Variants in CAMTA1 observed in about 807,000 individuals in gnomAD.
The protein encoded by CAMTA1 is calmodulin-binding transcription activator 1.
Under a neutral mutation model 170.9 loss-of-function variants are expected in CAMTA1, and 27 were observed. The observed-to-expected ratio is 0.16, with a 90% CI of 0.12 to 0.22. The LOEUF is 0.22. Among genes scored for constraint, CAMTA1 ranks in the 10% least tolerant of loss-of-function variants. The pLI is 1.00. For synonymous variants in CAMTA1, 833 were observed against 891.5 expected, an observed-to-expected ratio of 0.93 and a Z score of 1.17; for missense variants, 1,619 against 2,217.2, an observed-to-expected ratio of 0.73 and a Z score of 5.42.
At chr1:7,704,343 C>T (rs2149540297) in intron 11 of CAMTA1, among the ~76,000 whole-genome samples, 1 of 145,828 alleles carries the variant, frequency 6.9e-6, no homozygotes, top group Non-Finnish European at 1.5e-5. Flanking sequence ...GCCCGGGCAG[C>T]GGGCGCAGCC....
rs528251482 is a variant in CAMTA1 at position 7,680,212 on chromosome 1, G to T, written c.2914+2479G>T. ...CGGGCCAATGCTGCAGTGGCCGGGC[G>T]GTGGTGAGCCTTCCGTTCCCCGCCT... is the stretch of plus-strand genomic sequence containing the variant. On this transcript the variant is annotated intron_variant, in intron 11 of 22. Transcript: ENST00000303635. This position sits in a 1 kb window ranked among gnomAD's most constrained non-coding sequence, Gnocchi z 4.4. 1 of 278,016 alleles carries T rather than the reference G, an allele frequency of 3.6e-6. No homozygotes were observed. Among genetic ancestry groups the T allele is most frequent in the African/African-American group, 2.3e-5 (1 of 44,000 alleles). 17.2% of individuals were successfully genotyped at this position (278,016 alleles called of 1,614,324 possible).
rs1411088335 is a variant in CAMTA1 at position 7,482,258 on chromosome 1, TG to T, written c.510+14359del. Reference sequence around the variant, plus strand: ...GATCTGTTTTGTTCACTGCTACATTTGGAGTGCCTGGAGCCATGCCTAGCAC... The same window carrying T: ...GATCTGTTTTGTTCACTGCTACATTTGAGTGCCTGGAGCCATGCCTAGCAC... On this transcript the variant is annotated intron_variant, in intron 6 of 22. Coordinates refer to ENST00000303635, the MANE Select transcript of CAMTA1 (RefSeq NM_015215.4). This position sits in a 1 kb window ranked among gnomAD's most constrained non-coding sequence, Gnocchi z 4.2. Among the ~76,000 whole-genome samples, 1 of 152,198 alleles carries T rather than the reference TG, an allele frequency of 6.6e-6. No homozygotes were observed. The highest frequency in any genetic ancestry group is 2.4e-5 in the African/African-American group (1 of 41,448).
In CAMTA1 at chr1:7,570,384, G is replaced by A. The variant is rs1201078471; in HGVS notation, c.511-70016G>A. ...GGCCGGAGAACTTATTGCTTAAGCT[G>A]GAAGGGTGGAGGGAGGAAGCACGGG... On this transcript the variant is annotated intron_variant, in intron 6 of 22. Coordinates refer to ENST00000303635, the MANE Select transcript of CAMTA1 (RefSeq NM_015215.4). This position sits in a 1 kb window ranked among gnomAD's most constrained non-coding sequence, Gnocchi z 4.3. 6.6e-6 allele frequency among the ~76,000 whole-genome samples: 1 copy of A among 152,230 alleles called. No homozygotes were observed. The highest frequency in any genetic ancestry group is 2.4e-5 in the African/African-American group (1 of 41,468).
At chr1:6,980,949 T>C (rs961249515) in intron 3 of CAMTA1, among the ~76,000 whole-genome samples, 3 of 152,144 alleles carry the variant, frequency 2.0e-5, no homozygotes, top group Non-Finnish European at 2.9e-5. Context: ...CTTCCTTTGC[T>C]GTCACTGGGT....
intron 5 of CAMTA1, among the ~76,000 whole-genome samples, chr1:7,346,715 C>T (rs1314609373): frequency 6.6e-6 from 1 of 152,186 alleles, no homozygotes; most frequent in Non-Finnish European, 1.5e-5. Flanking sequence ...CTCCATGGGG[C>T]CTGGCAGGAG....
chr1:7,540,933 G>T (rs2094603108), intron 6 of CAMTA1, among the ~76,000 whole-genome samples: 1 of 152,222 alleles, frequency 6.6e-6, no homozygotes, highest in Non-Finnish European at 1.5e-5. Context: ...AGAGGTCATT[G>T]GTCTTTAGCT....
intron 5 of CAMTA1, among the ~76,000 whole-genome samples, chr1:7,384,701 A>C (rs897112467): frequency 6.6e-6 from 1 of 152,212 alleles, no homozygotes; most frequent in Admixed American, 6.5e-5. Context: ...GCTAAATCAC[A>C]GACCATAAAA....
chr1:7,018,498 A>G (rs928057310), intron 3 of CAMTA1, among the ~76,000 whole-genome samples: 2 of 152,120 alleles, frequency 1.3e-5, no homozygotes, highest in African/African-American at 4.8e-5. Flanking sequence ...CCCCATATGG[A>G]GAACTCTATG....
chr1:7,315,335 G>A (rs12402763), intron 5 of CAMTA1, among the ~76,000 whole-genome samples: 24,121 of 152,216 alleles, frequency 0.16, 2,517 homozygotes, highest in Non-Finnish European at 0.21. Context: ...TTGTCGGGGA[G>A]GCAGAACTTC....
chr1:7,499,196 T>G (rs2149775282), intron 6 of CAMTA1, among the ~76,000 whole-genome samples: 6 of 111,318 alleles, frequency 5.4e-5, no homozygotes, highest in African/African-American at 1.1e-4. Flanking sequence ...GCAGAGAGGA[T>G]GGTGTGATCC....
intron 3 of CAMTA1, among the ~76,000 whole-genome samples, chr1:6,895,155 C>T (rs964429269): frequency 8.5e-5 from 13 of 152,080 alleles, no homozygotes; most frequent in Admixed American, 3.9e-4. Context: ...GTTCTCTGTC[C>T]GCTGTTAAAA....
intron 3 of CAMTA1, among the ~76,000 whole-genome samples, chr1:7,047,831 A>G (rs1192393390): frequency 1.3e-5 from 2 of 151,534 alleles, no homozygotes; most frequent in Admixed American, 6.6e-5. Flanking sequence ...AGCAGGGGAT[A>G]TGCCTGGATG....
In CAMTA1 at chr1:7,224,262, A is replaced by G. The variant is rs576631608; in HGVS notation, c.303-25229A>G. On this transcript the variant is annotated intron_variant, in intron 4 of 22. Coordinates refer to ENST00000303635, the MANE Select transcript of CAMTA1 (RefSeq NM_015215.4). The surrounding 1 kb of genome is among the most constrained non-coding windows in gnomAD (Gnocchi z 5.2). ...AGGCTGCAGGCTTAGCTGGAAACAT[A>G]ATCGCTGCTCAAGGTCAGGCTGTGC... 5.5e-4 allele frequency among the ~76,000 whole-genome samples: 83 copies of G among 152,284 alleles called. No homozygotes were observed. The highest frequency in any genetic ancestry group is 2.3e-3 in the South Asian group (11 of 4,828).
intron 3 of CAMTA1, among the ~76,000 whole-genome samples, chr1:6,900,940 A>T (rs1425649744): frequency 6.6e-6 from 1 of 152,238 alleles, no homozygotes; most frequent in Non-Finnish European, 1.5e-5. Context: ...ATCTAGAAAG[A>T]CCAAAGCAGC....
At chr1:7,668,451 G>T (rs77248698) in intron 9 of CAMTA1, among the ~76,000 whole-genome samples, 3,146 of 144,134 alleles carry the variant, frequency 0.022, 44 homozygotes, top group Non-Finnish European at 0.031. Flanking sequence ...CACCCCAGAG[G>T]CGTCCCCCTA....
intron 5 of CAMTA1, among the ~76,000 whole-genome samples, chr1:7,345,967 A>G (rs1334379134): frequency 2.6e-5 from 4 of 152,234 alleles, no homozygotes; most frequent in African/African-American, 9.6e-5. Context: ...AACCCTCTGT[A>G]GGAGCCTTTC....
intron 6 of CAMTA1, among the ~76,000 whole-genome samples, chr1:7,483,120 A>T (rs963916069): frequency 7.9e-5 from 12 of 152,152 alleles, no homozygotes; most frequent in African/African-American, 2.9e-4. Context: ...GTCAAGGGGG[A>T]ATCCTTCAGC....
chr1:7,498,613 G>A (rs1338095392), intron 6 of CAMTA1, among the ~76,000 whole-genome samples: 1 of 151,992 alleles, frequency 6.6e-6, no homozygotes, highest in Non-Finnish European at 1.5e-5. Context: ...GTGAACATCT[G>A]TGTGCAGTGT....
chr1:7,270,291 A>ATATATATATT (rs1336977888), intron 5 of CAMTA1, among the ~76,000 whole-genome samples: 1 of 110,570 alleles, frequency 9.0e-6, no homozygotes, highest in African/African-American at 3.4e-5. Context: ...ATATATATAT[A>ATATATATATT]TTTTTTTTTT....
Sources: allele counts gnomAD v4.1 joint callset (sites outside exome capture counted in the v4.1 genomes callset), GRCh38; gene constraint gnomAD v4.1.1; non-coding constraint Gnocchi (gnomAD v3.1); transcripts MANE v1.5; gene names NCBI Gene and HGNC (gene_info 2026-07-23, HGNC 2026-07-21).